SDC4: variants seen among roughly 807,000 people sequenced by gnomAD.
SDC4 encodes the protein syndecan-4.
SDC4 carries 17 observed loss-of-function variants against 20.5 expected under a neutral mutation model. The observed-to-expected ratio is 0.83, with a 90% CI of 0.57 to 1.25. The LOEUF (loss-of-function observed/expected upper bound fraction) is 1.25, where lower values mean the gene tolerates loss of function less well. Ranked by LOEUF, SDC4 falls within the 50% of genes most tolerant of loss-of-function variation. The probability of loss-of-function intolerance (pLI) is 0.00; values close to 1 mark genes in which losing one functional copy is unlikely to be tolerated. For synonymous variants in SDC4, 107 were observed against 105.3 expected (o/e 1.02, Z -0.10); for missense variants, 241 against 252.3 (o/e 0.96, Z 0.30).
chr20:45,328,556 G>A (rs1164766929), intron 4 of SDC4, among the ~76,000 whole-genome samples: 3 of 152,164 alleles, frequency 2.0e-5, no homozygotes, highest in South Asian at 2.1e-4. Flanking sequence ...CTAGTGTTGG[G>A]CAGAGATGGG....
rs759391053 is a variant in SDC4, at chr20:45,330,383, C to G, written c.428G>C (p.Arg143Thr). Residue 143 changes from arginine (R) to threonine (T), a missense_variant, in exon 4 of 5, where the codon AGA (arginine) becomes ACA (threonine). Physicochemically the swap from Arg to Thr is moderately conservative, Grantham distance 71 (BLOSUM62 -1). Transcript: ENST00000372733. ...STVQGSNIFERTEVLAALIVG... is the reference protein window; with the variant it reads ...STVQGSNIFETTEVLAALIVG... ...GGACTTACCTGCCAGGACCTCCGTTCTCTCAAAGATGTTGCTGCCCTGCAC... is the reference window on the plus strand; with the variant it reads ...GGACTTACCTGCCAGGACCTCCGTTGTCTCAAAGATGTTGCTGCCCTGCAC... 1 of 1,614,148 alleles carries G rather than the reference C, an allele frequency of 6.2e-7. No homozygotes were observed. Among genetic ancestry groups the G allele is most frequent in the Non-Finnish European group, 8.5e-7 (1 of 1,180,030 alleles).
intron 2 of SDC4, among the ~76,000 whole-genome samples, 180 bp from the exon 3 acceptor site, chr20:45,333,249 C>T (rs1242887883): frequency 1.3e-5 from 2 of 152,252 alleles, no homozygotes; most frequent in African/African-American, 4.8e-5. Context: ...CTCAGACCCA[C>T]CCCCTGGCTC....
At chr20:45,343,531 G>A (rs1335075374) in intron 1 of SDC4, among the ~76,000 whole-genome samples, 1 of 152,212 alleles carries the variant, frequency 6.6e-6, no homozygotes, top group Non-Finnish European at 1.5e-5. Context: ...AGCAGGAGAG[G>A]TGGGGCTGCC....
chr20:45,332,364 T>A (rs1200279068), intron 3 of SDC4, among the ~76,000 whole-genome samples: 33 of 152,134 alleles, frequency 2.2e-4, no homozygotes, highest in Non-Finnish European at 5.9e-5. Context: ...TTTCACCATG[T>A]TGGCCAGGCT....
At chr20:45,333,958 A>G (rs1210366796) in intron 2 of SDC4, among the ~76,000 whole-genome samples, 1 of 151,384 alleles carries the variant, frequency 6.6e-6, no homozygotes, top group Non-Finnish European at 1.5e-5. Flanking sequence ...AAAAAAAAGA[A>G]GAAGAAATGT....
chr20:45,346,427 G>A (rs951842771), intron 1 of SDC4, among the ~76,000 whole-genome samples: 1 of 152,172 alleles, frequency 6.6e-6, no homozygotes, highest in African/African-American at 2.4e-5. Flanking sequence ...ACCCAGGCAG[G>A]ACTGACACAG....
At position 45,327,269 on chromosome 20, in the gene SDC4, C is replaced by T. The variant is rs201484099; in HGVS notation, c.592G>A (p.Ala198Thr). Residue 198 changes from alanine to threonine, a missense_variant, in exon 5 of 5, where the codon GCG becomes ACG. By Grantham distance (58) the Ala-to-Thr change is moderately conservative (BLOSUM62 0). Coordinates refer to ENST00000372733, the MANE Select transcript of SDC4 (RefSeq NM_002999.4). ...YKKAPTNEFYA is the reference protein window; with the variant it reads ...YKKAPTNEFYT ...CCAGTGCCCACAAGCAAGCTTCACG[C>T]GTAGAACTCATTGGTGGGGGCTTTC... 129 of 1,614,054 alleles carry T rather than the reference C, an allele frequency of 8.0e-5. No individual in the cohort carries two copies. Among genetic ancestry groups the T allele is most frequent in the Admixed American group, 2.3e-4 (14 of 60,004 alleles).
intron 1 of SDC4, among the ~76,000 whole-genome samples, chr20:45,342,576 C>G (rs539118066): frequency 6.6e-6 from 1 of 151,896 alleles, no homozygotes; most frequent in Non-Finnish European, 1.5e-5. Flanking sequence ...GCCGAGCTCC[C>G]GGGCCTGGAG....
At chr20:45,328,263 C>T (rs1987724973) in intron 4 of SDC4, among the ~76,000 whole-genome samples, 1 of 152,176 alleles carries the variant, frequency 6.6e-6, no homozygotes, top group Non-Finnish European at 1.5e-5. Context: ...GTTTCCACTC[C>T]TACCTCTCCT....
intron 1 of SDC4, among the ~76,000 whole-genome samples, chr20:45,344,670 T>C (rs1318851474): frequency 6.6e-6 from 1 of 152,174 alleles, no homozygotes; most frequent in Non-Finnish European, 1.5e-5. Flanking sequence ...TGGCAGGAGC[T>C]GAATGTCCCC....
intron 1 of SDC4, among the ~76,000 whole-genome samples, chr20:45,337,860 A>G (rs1375264155): frequency 1.3e-5 from 2 of 152,228 alleles, no homozygotes; most frequent in Non-Finnish European, 2.9e-5. Flanking sequence ...GAGAATGCTG[A>G]ACGCTTGGCA....
intron 1 of SDC4, chr20:45,345,087 A>G (rs961090864): frequency 6.6e-6 from 1 of 152,226 alleles, no homozygotes; most frequent in African/African-American, 2.4e-5. Context: ...CATACTAGCA[A>G]TAAATAACAG....
intron 1 of SDC4, chr20:45,345,788 G>C (rs2741453): frequency 6.6e-6 from 1 of 152,372 alleles, no homozygotes; most frequent in Admixed American, 6.5e-5. Flanking sequence ...CAGGAAGGCA[G>C]ATCAGGGAAT....
chr20:45,334,467 T>C (rs1987830987), intron 2 of SDC4, among the ~76,000 whole-genome samples: 2 of 152,164 alleles, frequency 1.3e-5, no homozygotes, highest in Admixed American at 6.5e-5. Flanking sequence ...TCATGTTGTA[T>C]GCACATAATG....
At chr20:45,336,175 G>A (rs1033694031) in intron 1 of SDC4, among the ~76,000 whole-genome samples, 1 of 152,216 alleles carries the variant, frequency 6.6e-6, no homozygotes, top group Non-Finnish European at 1.5e-5. Context: ...CACTTTGGGA[G>A]GCGGAGGCAG....
intron 1 of SDC4, among the ~76,000 whole-genome samples, chr20:45,339,739 C>T (rs1463307360): frequency 6.6e-6 from 1 of 152,068 alleles, no homozygotes; most frequent in Non-Finnish European, 1.5e-5. Flanking sequence ...GACCCTGTCT[C>T]CAAAAAATAA....
At chr20:45,331,692 T>G (rs1987780173) in intron 3 of SDC4, among the ~76,000 whole-genome samples, 1 of 152,250 alleles carries the variant, frequency 6.6e-6, no homozygotes, top group Non-Finnish European at 1.5e-5. Context: ...ATTAGCATGC[T>G]AAGAGACACT....
chr20:45,344,746 A>C (rs1408849390), intron 1 of SDC4, among the ~76,000 whole-genome samples: 1 of 152,200 alleles, frequency 6.6e-6, no homozygotes, highest in African/African-American at 2.4e-5. Context: ...AGGCCAGCAA[A>C]GGGCCCCTCC....
At chr20:45,341,051 G>A (rs1194960776) in intron 1 of SDC4, among the ~76,000 whole-genome samples, 1 of 152,142 alleles carries the variant, frequency 6.6e-6, no homozygotes, top group African/African-American at 2.4e-5. Context: ...GAAATCCTCA[G>A]TTTCCTCTTT....
Sources: gnomAD v4.1 joint callset for allele counts (sites outside exome capture counted in the v4.1 genomes callset) on GRCh38, gnomAD v4.1.1 for gene constraint, MANE v1.5 for transcripts, NCBI Gene and HGNC (gene_info 2026-07-23, HGNC 2026-07-21) for gene names.